GLIS3: variants seen among roughly 807,000 people sequenced by gnomAD.
The protein encoded by GLIS3 is GLIS family zinc finger 3.
A neutral mutation model predicts 78.6 loss-of-function variants in GLIS3; 53 were observed. The ratio of observed to expected loss-of-function variants is 0.67; its 90% CI spans 0.54 to 0.85. GLIS3 has a LOEUF of 0.85. Ranked by LOEUF, GLIS3 falls within the 40% of genes least tolerant of loss-of-function variation. GLIS3 has a pLI of 0.00. For synonymous variants in GLIS3, 684 were observed against 509.9 expected (o/e 1.34, Z -4.60); for missense variants, 1,703 against 1,231.1 (o/e 1.38, Z -5.74).
At chr9:4,037,844 A>T (rs1332395210) in intron 4 of GLIS3, among the ~76,000 whole-genome samples, 4 of 152,076 alleles carry the variant, frequency 2.6e-5, no homozygotes, top group Non-Finnish European at 5.9e-5. Context: ...TTATTTAATG[A>T]ACTATTATTA....
At chr9:4,321,922 A>C (rs981779412) in intron 2 of GLIS3, among the ~76,000 whole-genome samples, 1 of 152,064 alleles carries the variant, frequency 6.6e-6, no homozygotes, top group African/African-American at 2.4e-5. Context: ...GTACACGTGC[A>C]TAACCTGCAG....
At chr9:4,451,142 G>A in the GLIS3 span, among the ~76,000 whole-genome samples, 1 of 152,084 alleles carries the variant, frequency 6.6e-6, no homozygotes, top group Admixed American at 6.6e-5. Context: ...CAAAATAAAG[G>A]GATGGAGGAA....
At chr9:3,988,456 G>T (rs1819949911) in intron 4 of GLIS3, among the ~76,000 whole-genome samples, 2 of 152,112 alleles carry the variant, frequency 1.3e-5, no homozygotes, top group African/African-American at 4.8e-5. Context: ...AACCTAAATG[G>T]AAGTGAGGTT....
chr9:3,933,193 T>C (rs891871244), intron 5 of GLIS3, among the ~76,000 whole-genome samples: 2 of 151,946 alleles, frequency 1.3e-5, no homozygotes, highest in African/African-American at 4.8e-5. Flanking sequence ...TTTTTTTTTT[T>C]AGATGTTGTT....
intron 4 of GLIS3, among the ~76,000 whole-genome samples, chr9:3,949,548 G>A (rs1328325456): frequency 6.6e-6 from 1 of 152,100 alleles, no homozygotes; most frequent in Non-Finnish European, 1.5e-5. Context: ...TCAAATATAG[G>A]ATCCTGAGGA....
At chr9:4,015,264 G>C (rs2130081883) in intron 4 of GLIS3, among the ~76,000 whole-genome samples, 1 of 152,298 alleles carries the variant, frequency 6.6e-6, no homozygotes, top group East Asian at 1.9e-4. Context: ...GGTAGCATTA[G>C]AGAATTGCCC....
chr9:4,316,388 T>C (rs1348132530), intron 2 of GLIS3, among the ~76,000 whole-genome samples: 1 of 152,234 alleles, frequency 6.6e-6, no homozygotes, highest in Non-Finnish European at 1.5e-5. Flanking sequence ...AGTCAACAGA[T>C]ATTTTAGCAG....
intron 4 of GLIS3, among the ~76,000 whole-genome samples, chr9:4,079,125 T>C (rs1161524729): frequency 6.6e-6 from 1 of 152,218 alleles, no homozygotes; most frequent in East Asian, 1.9e-4. Context: ...TCAGCTTGTA[T>C]CATCATTACC....
intron 2 of GLIS3, among the ~76,000 whole-genome samples, chr9:4,257,591 T>TG (rs1825092955): frequency 7.3e-5 from 2 of 27,230 alleles, no homozygotes; most frequent in South Asian, 4.7e-3. Flanking sequence ...TGTTATTTTT[T>TG]GAGACGGAGT....
chr9:3,860,874 C>T (rs746919936), intron 8 of GLIS3, among the ~76,000 whole-genome samples: 5 of 152,092 alleles, frequency 3.3e-5, no homozygotes, highest in Non-Finnish European at 5.9e-5. Context: ...ACAAAAGACA[C>T]ATATCTCTGT....
the GLIS3 span, among the ~76,000 whole-genome samples, chr9:4,453,356 A>G: frequency 2.0e-5 from 3 of 150,106 alleles, no homozygotes; most frequent in South Asian, 4.2e-4. Context: ...AAAAAAAAAA[A>G]AAAAAAAAGA....
chr9:4,049,505 C>T (rs968808236), intron 4 of GLIS3, among the ~76,000 whole-genome samples: 6 of 152,136 alleles, frequency 3.9e-5, no homozygotes, highest in South Asian at 2.1e-4. Flanking sequence ...CCACAGATGC[C>T]GGCAGGAGTG....
chr9:4,153,559 G>A (rs1188577940), intron 2 of GLIS3, among the ~76,000 whole-genome samples: 3 of 152,130 alleles, frequency 2.0e-5, no homozygotes, highest in Non-Finnish European at 4.4e-5. Flanking sequence ...GTGAGACTCT[G>A]TCTCAAAATA....
chr9:4,440,402 T>C, the GLIS3 span, among the ~76,000 whole-genome samples: 1 of 152,230 alleles, frequency 6.6e-6, no homozygotes, highest in African/African-American at 2.4e-5. Flanking sequence ...TGCCTGTGGA[T>C]ATCCTGTTTT....
chr9:4,229,332 A>G (rs1057467964), intron 2 of GLIS3, among the ~76,000 whole-genome samples: 1 of 152,248 alleles, frequency 6.6e-6, no homozygotes, highest in Non-Finnish European at 1.5e-5. Context: ...GATAAATACT[A>G]ATTTTGAAAA....
At chr9:4,383,140 C>T in the GLIS3 span, among the ~76,000 whole-genome samples, 1 of 152,214 alleles carries the variant, frequency 6.6e-6, no homozygotes, top group African/African-American at 2.4e-5. Flanking sequence ...AAAGCAAGAA[C>T]TGAAACGAGT....
At chr9:4,377,326 G>A in the GLIS3 span, among the ~76,000 whole-genome samples, 1 of 135,464 alleles carries the variant, frequency 7.4e-6, no homozygotes, top group African/African-American at 2.6e-5. Flanking sequence ...TTTCTCCCAT[G>A]CTGGATGCTT....
In GLIS3 at chr9:4,277,440, A is replaced by C. The variant is rs186063882; in HGVS notation, c.388+8598T>G. ...TTATTTAAAGTACATTAAGTTTTTG[A>C]CTTCCCAGGTTCTCACAATACATTA... On this transcript the variant is annotated intron_variant, in intron 2 of 10. Transcript: ENST00000381971. Among the ~76,000 whole-genome samples, 29 of 152,328 alleles carry C rather than the reference A, an allele frequency of 1.9e-4. 1 individual carries two copies. Among genetic ancestry groups the C allele is most frequent in the Admixed American group, 1.8e-3 (27 of 15,300 alleles).
At chr9:4,451,667 T>C in the GLIS3 span, among the ~76,000 whole-genome samples, 2 of 152,232 alleles carry the variant, frequency 1.3e-5, no homozygotes, top group South Asian at 2.1e-4. Flanking sequence ...CACAGTGCCA[T>C]CAAATTAGAA....
Sources: gnomAD v4.1 joint callset for allele counts (sites outside exome capture counted in the v4.1 genomes callset) on GRCh38, gnomAD v4.1.1 for gene constraint, MANE v1.5 for transcripts, NCBI Gene and HGNC (gene_info 2026-07-23, HGNC 2026-07-21) for gene names.